The following C7 variants were observed in gnomAD, a reference collection of about 807,000 sequenced individuals.
C7 encodes complement component C7.
A neutral mutation model predicts 104.8 loss-of-function variants in C7; 83 were observed. The ratio of observed to expected loss-of-function variants is 0.79; its 90% CI spans 0.66 to 0.95. C7 has a LOEUF of 0.95. Among genes scored for constraint, C7 ranks in the 40% least tolerant of loss-of-function variants. The probability of loss-of-function intolerance (pLI) is 0.00; values close to 1 mark genes in which losing one functional copy is unlikely to be tolerated. For missense variants in C7, 1,070 were observed against 1,011.2 expected (o/e 1.06, Z -0.79); for synonymous variants, 415 against 360.6 (o/e 1.15, Z -1.71).
rs536500122 is a variant in C7 at position 40,911,740 on chromosome 5, C to CTT, written c.6+2139_6+2140dup. Among the ~76,000 whole-genome samples, 250 of 138,630 alleles carry CTT rather than the reference C, an allele frequency of 1.8e-3. 1 individual carries two copies. Among genetic ancestry groups the CTT allele is most frequent in the African/African-American group, 2.7e-3 (101 of 37,574 alleles). The allele number at this position is 138,630 out of a possible 152,430, so 90.9% of individuals were successfully genotyped here. Reference sequence around the variant, plus strand: ...AATACCACACACTTTTTCTTTCTTTCTTTTTTTTTTTTTTTTGAGACAAAG... The same window carrying CTT: ...AATACCACACACTTTTTCTTTCTTTCTTTTTTTTTTTTTTTTTTGAGACAAAG... On this transcript the variant is annotated intron_variant, in intron 1 of 17. Coordinates refer to ENST00000313164, the MANE Select transcript of C7 (RefSeq NM_000587.4).
At position 40,976,742 on chromosome 5, in the gene C7, T is replaced by G; in HGVS notation, c.2075-8T>G. On this transcript the variant is annotated splice_region_variant and splice_polypyrimidine_tract_variant and intron_variant, in intron 15 of 17. Coordinates refer to ENST00000313164, the MANE Select transcript of C7 (RefSeq NM_000587.4). Reference sequence around the variant, plus strand: ...CCTAACGACCACATCTCCCTTATCCTTTTTTAGAAAATCCGTTAACACAGG... The same window carrying G: ...CCTAACGACCACATCTCCCTTATCCGTTTTTAGAAAATCCGTTAACACAGG... The G allele has an allele frequency of 6.3e-7, 1 of 1,579,720 alleles. No homozygotes were observed.
At position 40,937,612 on chromosome 5, in the gene C7, T is replaced by C. The variant is rs764431363; in HGVS notation, c.489T>C (p.Gly163=). Residue 163 remains glycine (G), a synonymous_variant, in exon 6 of 18, where the codon GGT becomes GGC. Coordinates refer to ENST00000313164, the MANE Select transcript of C7 (RefSeq NM_000587.4). The stretch of plus-strand genomic sequence containing the variant: ...TCATCAATACCAAAAGTTTTGGTGG[T>C]CAATGTAGAAAGGTGTTTAGTGGGG... The part of the protein sequence containing the change: ...NRVINTKSFG[G]QCRKVFSGDG... 11 of 1,612,638 alleles carry C rather than the reference T, an allele frequency of 6.8e-6. No homozygotes were observed. The East Asian group carries it at 1.1e-4, about 16-fold the overall frequency.
intron 2 of C7, among the ~76,000 whole-genome samples, chr5:40,929,212 T>G (rs1739622372): frequency 6.6e-6 from 1 of 152,148 alleles, no homozygotes; most frequent in Non-Finnish European, 1.5e-5. Flanking sequence ...GGGAGCATGC[T>G]GGGTGATTCG....
chr5:40,968,584 ATATATATATATATATATTTTTTTT>A, intron 14 of C7, among the ~76,000 whole-genome samples: 1 of 50,654 alleles, frequency 2.0e-5, no homozygotes, highest in Admixed American at 2.3e-4. Flanking sequence ...ATATATATAT[ATATATATATATATATATTTTTTTT>A]TTTTTTTTTT....
At chr5:40,914,516 C>T (rs1167323376) in intron 1 of C7, among the ~76,000 whole-genome samples, 1 of 151,954 alleles carries the variant, frequency 6.6e-6, no homozygotes, top group African/African-American at 2.4e-5. Flanking sequence ...GCTTTTGAGG[C>T]CTTAGTTATG....
At chr5:40,929,451 G>A (rs902706566) in intron 2 of C7, among the ~76,000 whole-genome samples, 1 of 152,090 alleles carries the variant, frequency 6.6e-6, no homozygotes, top group African/African-American at 2.4e-5. Flanking sequence ...GGTACCATAC[G>A]AAAACCACAG....
rs189951055 is a variant in C7, at chr5:40,964,558, A to G, written c.1750-183A>G. The G allele has an allele frequency of 1.9e-5, 10 of 530,872 alleles. 1 individual carries two copies. Among genetic ancestry groups the G allele is most frequent in the African/African-American group, 3.8e-5 (2 of 52,344 alleles). The allele number at this position is 530,872 out of a possible 1,614,324, so 32.9% of individuals were successfully genotyped here. On this transcript the variant is annotated intron_variant, in intron 13 of 17. Transcript: ENST00000313164. ...CAGTGGTATTAATAGTTTTATTTCA[A>G]TTAATGGTGGTGCTAGTGTTACTAA...
chr5:40,936,514 A>G (rs575365926), intron 5 of C7, 29 bp downstream of exon 5: 1 of 1,590,826 alleles, frequency 6.3e-7, no homozygotes, highest in Non-Finnish European at 8.5e-7. Context: ...TCCTGAGTAC[A>G]TCAGTGAATT....
intron 15 of C7, among the ~76,000 whole-genome samples, chr5:40,974,964 A>G (rs1740782870): frequency 1.3e-5 from 2 of 152,282 alleles, no homozygotes; most frequent in Admixed American, 1.3e-4. Context: ...TCTACCCAAC[A>G]GTAGCATCCT....
chr5:40,947,420 A>G (rs900664571), intron 7 of C7, among the ~76,000 whole-genome samples, 182 bp from the exon 8 acceptor site: 2 of 152,044 alleles, frequency 1.3e-5, no homozygotes, highest in Non-Finnish European at 2.9e-5. Flanking sequence ...GAGACTCCAA[A>G]TATTCCTGAT....
At chr5:40,913,502 A>G (rs1274659977) in intron 1 of C7, among the ~76,000 whole-genome samples, 1 of 151,858 alleles carries the variant, frequency 6.6e-6, no homozygotes, top group Non-Finnish European at 1.5e-5. Flanking sequence ...ATTTTTTGAC[A>G]TTTTTAAAGA....
intron 6 of C7, among the ~76,000 whole-genome samples, chr5:40,938,855 A>G (rs985183232): frequency 6.6e-6 from 1 of 152,212 alleles, no homozygotes; most frequent in Non-Finnish European, 1.5e-5. Context: ...TTTAGAAGGA[A>G]GATAGAGGAG....
At position 40,934,417 on chromosome 5, in the gene C7, A is replaced by G; in HGVS notation, c.231A>G (p.Arg77=). The change falls in exon 4 of 18, where the codon AGA becomes AGG. Residue 77 remains arginine (R), a synonymous_variant. Transcript: ENST00000313164. The part of the protein sequence containing the change: ...AFETQSCEPT[R]GCPTEEGCGE... ...AAACACAGTCCTGTGAACCTACAAG[A>G]GGATGTCCAACAGAGGAGGGATGTG... is the stretch of plus-strand genomic sequence containing the variant. 6.2e-7 allele frequency: 1 copy of G among 1,613,794 alleles called. No homozygotes were observed. Among genetic ancestry groups the G allele is most frequent in the Non-Finnish European group, 8.5e-7 (1 of 1,179,742 alleles).
intron 1 of C7, among the ~76,000 whole-genome samples, chr5:40,921,362 C>A (rs1739434592): frequency 6.6e-6 from 1 of 151,664 alleles, no homozygotes; most frequent in Non-Finnish European, 1.5e-5. Context: ...AAATTAATAC[C>A]ATTAAAATAT....
intron 17 of C7, 107 bp downstream of exon 17, chr5:40,980,016 G>A: frequency 1.0e-6 from 1 of 960,626 alleles, no homozygotes; most frequent in South Asian, 2.2e-5. Flanking sequence ...AGATACTTGA[G>A]GATGTTAAAG....
intron 15 of C7, among the ~76,000 whole-genome samples, chr5:40,973,654 T>C (rs917998519): frequency 1.5e-4 from 23 of 152,282 alleles, no homozygotes; most frequent in Admixed American, 1.5e-3. Flanking sequence ...CAGAGGACAG[T>C]TGTTTTGTGT....
intron 9 of C7, among the ~76,000 whole-genome samples, chr5:40,952,542 C>T (rs1049632812): frequency 1.2e-4 from 18 of 147,866 alleles, no homozygotes; most frequent in African/African-American, 2.2e-4. Flanking sequence ...ATGTGCACAA[C>T]GTGCAGGTTT....
At chr5:40,971,430 G>T (rs927035693) in intron 14 of C7, among the ~76,000 whole-genome samples, 1 of 152,102 alleles carries the variant, frequency 6.6e-6, no homozygotes, top group African/African-American at 2.4e-5. Context: ...TTTTGATGGG[G>T]TTGCTTGTTT....
In C7 at chr5:40,947,548, A is replaced by G; in HGVS notation, c.739-54A>G. On this transcript the variant is annotated intron_variant, in intron 7 of 17. Coordinates refer to ENST00000313164, the MANE Select transcript of C7 (RefSeq NM_000587.4). ...AGGTATTGAACAGAGAACTATTTCC[A>G]TTGCCTTTTTATCTTCCACCTAAAA... 7.5e-6 allele frequency: 12 copies of G among 1,592,104 alleles called. No homozygotes were observed. In the South Asian group the frequency reaches 1.4e-4, roughly 18 times the overall value.
Sources: gnomAD v4.1 joint callset for allele counts (sites outside exome capture counted in the v4.1 genomes callset) on GRCh38, gnomAD v4.1.1 for gene constraint, MANE v1.5 for transcripts, NCBI Gene and HGNC (gene_info 2026-07-23, HGNC 2026-07-21) for gene names.